The following TAOK1 variants were observed in gnomAD, a reference collection of about 807,000 sequenced individuals.
TAOK1 encodes TAO kinase 1, also known as serine/threonine-protein kinase TAO1.
Under a neutral mutation model 138.3 loss-of-function variants are expected in TAOK1, and 21 were observed. The ratio of observed to expected loss-of-function variants is 0.15; its 90% confidence interval spans 0.11 to 0.22. TAOK1 has a LOEUF of 0.22. TAOK1 is among the 10% of genes least tolerant of loss of function. TAOK1 has a pLI of 1.00. For missense variants in TAOK1, 651 were observed against 1,227.7 expected (o/e 0.53, Z 7.02); for synonymous variants, 361 against 398.4 (o/e 0.91, Z 1.12).
chr17:29,500,656 G>T (rs923494660), intron 12 of TAOK1, among the ~76,000 whole-genome samples: 4 of 150,566 alleles, frequency 2.7e-5, no homozygotes, highest in African/African-American at 9.8e-5. Context: ...CAGAAGAATC[G>T]CTTGAACCCA....
At chr17:29,504,309 AAAAGAAAAGAAAG>A (rs1177389463) in intron 13 of TAOK1, among the ~76,000 whole-genome samples, 13 of 147,732 alleles carry the variant, frequency 8.8e-5, no homozygotes, top group Non-Finnish European at 4.5e-5. Context: ...GGAAAGGAAG[AAAAGAAAAGAAAG>A]AAAGAAAAGA....
At chr17:29,433,771 CTTG>C (rs1047422205) in intron 1 of TAOK1, among the ~76,000 whole-genome samples, 23 of 152,196 alleles carry the variant, frequency 1.5e-4, no homozygotes, top group Middle Eastern at 3.4e-3. Context: ...AGTGGGCAGG[CTTG>C]TTGTAGTTTC....
chr17:29,534,874 A>C (rs2032194447), intron 19 of TAOK1, among the ~76,000 whole-genome samples: 1 of 152,126 alleles, frequency 6.6e-6, no homozygotes, highest in Non-Finnish European at 1.5e-5. Context: ...TTCTTGTCAG[A>C]TATATTGGAA....
At chr17:29,422,646 CTG>C (rs1489281600) in intron 1 of TAOK1, among the ~76,000 whole-genome samples, 1 of 152,170 alleles carries the variant, frequency 6.6e-6, no homozygotes, top group Non-Finnish European at 1.5e-5. Flanking sequence ...TTGATAGCGT[CTG>C]TAGTGGTATC....
intron 1 of TAOK1, among the ~76,000 whole-genome samples, chr17:29,438,044 A>G (rs1906094560): frequency 6.6e-6 from 1 of 152,072 alleles, no homozygotes; most frequent in African/African-American, 2.4e-5. Flanking sequence ...AACTGCCTTT[A>G]TATTCTATGG....
intron 12 of TAOK1, 126 bp from the exon 13 acceptor site, chr17:29,502,463 T>C (rs1467453111): frequency 2.8e-6 from 3 of 1,066,634 alleles, no homozygotes; most frequent in African/African-American, 3.2e-5. Flanking sequence ...TTCTACTTTT[T>C]GGCTTTGCTT....
intron 1 of TAOK1, among the ~76,000 whole-genome samples, chr17:29,418,820 A>T (rs367590180): frequency 6.6e-6 from 1 of 152,140 alleles, no homozygotes; most frequent in Non-Finnish European, 1.5e-5. Flanking sequence ...TGAATCCAGG[A>T]ACGTGGAACT....
chr17:29,462,721 A>G (rs2030558274), intron 2 of TAOK1, among the ~76,000 whole-genome samples: 3 of 152,368 alleles, frequency 2.0e-5, no homozygotes, highest in Middle Eastern at 6.8e-3. Flanking sequence ...ATTTCAGATC[A>G]TTCTTATGAA....
chr17:29,450,041 C>T (rs2030192466), intron 1 of TAOK1, among the ~76,000 whole-genome samples: 1 of 151,850 alleles, frequency 6.6e-6, no homozygotes, highest in East Asian at 1.9e-4. Context: ...CCTTCCTTTC[C>T]CTTTTCTTTT....
At chr17:29,505,989 A>G (rs1814945340) in intron 13 of TAOK1, among the ~76,000 whole-genome samples, 1 of 152,234 alleles carries the variant, frequency 6.6e-6, no homozygotes, top group Non-Finnish European at 1.5e-5. Flanking sequence ...ATTGGCAAAA[A>G]GGGGAACTGT....
chr17:29,472,723 C>T (rs765070516), intron 3 of TAOK1, among the ~76,000 whole-genome samples: 2 of 151,904 alleles, frequency 1.3e-5, no homozygotes, highest in Non-Finnish European at 2.9e-5. Context: ...TACAGTCATG[C>T]ACCACCACGC....
At chr17:29,464,113 G>T (rs1293773725) in intron 2 of TAOK1, among the ~76,000 whole-genome samples, 1 of 152,006 alleles carries the variant, frequency 6.6e-6, no homozygotes, top group African/African-American at 2.4e-5. Context: ...GGTCTGGGAG[G>T]TAGGTAAGGA....
intron 18 of TAOK1, among the ~76,000 whole-genome samples, chr17:29,531,184 G>T (rs1355056127): frequency 6.6e-6 from 1 of 150,890 alleles, no homozygotes; most frequent in Non-Finnish European, 1.5e-5. Context: ...AGCCAGGATG[G>T]TCTCGATCTC....
chr17:29,411,386 C>T (rs1044034486), intron 1 of TAOK1, among the ~76,000 whole-genome samples: 10 of 149,186 alleles, frequency 6.7e-5, no homozygotes, highest in East Asian at 2.0e-4. Flanking sequence ...CCACCGCGCC[C>T]GGCCTTCTTT....
intron 3 of TAOK1, among the ~76,000 whole-genome samples, chr17:29,469,457 G>A (rs571832770): frequency 1.5e-4 from 23 of 152,140 alleles, no homozygotes; most frequent in African/African-American, 5.5e-4. Context: ...TTAAAACTCT[G>A]TAGTCATTAA....
chr17:29,435,607 A>G (rs1286794410), intron 1 of TAOK1, among the ~76,000 whole-genome samples: 1 of 152,166 alleles, frequency 6.6e-6, no homozygotes, highest in African/African-American at 2.4e-5. Flanking sequence ...TTTACTGACC[A>G]CAGGTCAGGA....
At chr17:29,406,692 C>G (rs1030457449) in intron 1 of TAOK1, among the ~76,000 whole-genome samples, 1 of 151,900 alleles carries the variant, frequency 6.6e-6, no homozygotes, top group Non-Finnish European at 1.5e-5. Flanking sequence ...CTACCCACCC[C>G]CCCAACTAAG....
chr17:29,453,949 CA>C (rs1052827017), intron 2 of TAOK1, among the ~76,000 whole-genome samples: 2 of 150,656 alleles, frequency 1.3e-5, no homozygotes, highest in African/African-American at 4.9e-5. Context: ...GCTGGGACCA[CA>C]AGCGTGCACC....
intron 2 of TAOK1, among the ~76,000 whole-genome samples, chr17:29,462,769 A>G (rs958116805): frequency 1.3e-5 from 2 of 152,336 alleles, no homozygotes; most frequent in Admixed American, 6.5e-5. Flanking sequence ...TTCACAGACA[A>G]TTTCCTAGTT....
Sources: allele counts gnomAD v4.1 joint callset (sites outside exome capture counted in the v4.1 genomes callset), GRCh38; gene constraint gnomAD v4.1.1; transcripts MANE v1.5; gene names NCBI Gene and HGNC (gene_info 2026-07-23, HGNC 2026-07-21).